The following MAGI2 variants were observed in gnomAD, a reference collection of about 807,000 sequenced individuals.
The protein encoded by MAGI2 is membrane associated guanylate kinase, WW and PDZ domain containing 2, also known as membrane-associated guanylate kinase, WW and PDZ domain-containing protein 2.
MAGI2 carries 35 observed loss-of-function variants against 133.3 expected under a neutral mutation model. That is an observed-to-expected ratio of 0.26 (90% CI 0.20 to 0.35). The LOEUF (loss-of-function observed/expected upper bound fraction) is 0.35, where lower values mean the gene tolerates loss of function less well. Ranked by LOEUF, MAGI2 falls within the 10% of genes least tolerant of loss-of-function variation. MAGI2 has a pLI of 1.00. For synonymous variants in MAGI2, 729 were observed against 710.6 expected, an observed-to-expected ratio of 1.03 and a Z score of -0.41; for missense variants, 1,636 against 1,863.4, an observed-to-expected ratio of 0.88 and a Z score of 2.25.
At position 78,111,444 on chromosome 7, in the gene MAGI2, G is replaced by A. The variant is rs533935026; in HGVS notation, c.3567+14250C>T. Reference sequence around the variant, plus strand: ...ACCAAACCTTTAACTAGCCCTCATGGGAAGATGCTTTTGAAATGGTTCAAA... The same window carrying A: ...ACCAAACCTTTAACTAGCCCTCATGAGAAGATGCTTTTGAAATGGTTCAAA... On this transcript the variant is annotated intron_variant, in intron 20 of 21. Coordinates refer to ENST00000354212, the MANE Select transcript of MAGI2 (RefSeq NM_012301.4). 2.6e-5 allele frequency among the ~76,000 whole-genome samples: 4 copies of A among 152,176 alleles called. No homozygotes were observed. The South Asian group carries it at 6.2e-4, about 24-fold the overall frequency.
At chr7:79,339,111 T>G (rs1433166516) in intron 1 of MAGI2, among the ~76,000 whole-genome samples, 1 of 152,176 alleles carries the variant, frequency 6.6e-6, no homozygotes, top group Non-Finnish European at 1.5e-5. Flanking sequence ...TGCCGTAAGT[T>G]ATTTTAAGAG....
intron 2 of MAGI2, among the ~76,000 whole-genome samples, chr7:78,700,014 G>A (rs2151145909): frequency 6.6e-6 from 1 of 152,158 alleles, no homozygotes. Flanking sequence ...AAATTATGAA[G>A]CAAATCACTT....
intron 2 of MAGI2, among the ~76,000 whole-genome samples, chr7:78,661,595 T>C (rs572436277): frequency 5.3e-4 from 80 of 152,290 alleles, no homozygotes; most frequent in African/African-American, 1.9e-3. Flanking sequence ...TTTCTACCCA[T>C]TCTCTCTCCT....
intron 6 of MAGI2, among the ~76,000 whole-genome samples, chr7:78,406,789 A>G (rs1427982270): frequency 6.6e-6 from 1 of 152,108 alleles, no homozygotes; most frequent in East Asian, 1.9e-4. Flanking sequence ...GTAAGGATAA[A>G]GCTGTGAGCT....
intron 2 of MAGI2, among the ~76,000 whole-genome samples, chr7:78,889,990 C>T (rs9719081): frequency 0.52 from 78,759 of 151,976 alleles, 22,010 homozygotes; most frequent in South Asian, 0.68. Flanking sequence ...ACCCATCTCA[C>T]GTGCAGAGAC....
chr7:78,605,200 G>C (rs1285508448), intron 3 of MAGI2, among the ~76,000 whole-genome samples: 3 of 152,196 alleles, frequency 2.0e-5, no homozygotes, highest in African/African-American at 7.2e-5. Context: ...TTTTAGACTA[G>C]GTTGATGGCA....
intron 2 of MAGI2, among the ~76,000 whole-genome samples, chr7:78,734,820 A>C (rs1418386407): frequency 6.6e-6 from 1 of 152,184 alleles, no homozygotes; most frequent in Non-Finnish European, 1.5e-5. Flanking sequence ...GCCTGTGGTC[A>C]TCCTGAGGTC....
chr7:79,218,659 T>C (rs2129553302), intron 1 of MAGI2, among the ~76,000 whole-genome samples: 1 of 152,212 alleles, frequency 6.6e-6, no homozygotes, highest in South Asian at 2.1e-4. Flanking sequence ...TTATACTGCA[T>C]TGTAAGATGC....
intron 2 of MAGI2, among the ~76,000 whole-genome samples, chr7:78,831,428 TTCTCTC>T (rs993021560): frequency 1.3e-5 from 2 of 151,630 alleles, no homozygotes; most frequent in Non-Finnish European, 2.9e-5. Context: ...TTGAGACAAA[TTCTCTC>T]TCTGTCACCC....
chr7:78,092,156 A>C (rs3807743), intron 20 of MAGI2, among the ~76,000 whole-genome samples: 93,069 of 151,942 alleles, frequency 0.61, 28,661 homozygotes, highest in African/African-American at 0.7. Context: ...AAGTGAAAAA[A>C]CTCATGTCTC....
At chr7:78,114,831 C>G (rs1371080911) in intron 20 of MAGI2, among the ~76,000 whole-genome samples, 2 of 152,128 alleles carry the variant, frequency 1.3e-5, no homozygotes, top group Non-Finnish European at 2.9e-5. Context: ...GGGACTGGAG[C>G]TGGAGAGGAA....
intron 2 of MAGI2, among the ~76,000 whole-genome samples, chr7:78,684,371 G>C (rs1412341553): frequency 6.6e-6 from 1 of 152,050 alleles, no homozygotes; most frequent in Non-Finnish European, 1.5e-5. Flanking sequence ...ACACTCACTT[G>C]GAATGGATAA....
In MAGI2 at chr7:78,742,000, C is replaced by T. The variant is rs1822482201; in HGVS notation, c.419-114761G>A. ...TGATTAATAACTAGAAATTAATCATCTAGTTATCTAGTTATTATCAAAGGA... is the reference window on the plus strand; with the variant it reads ...TGATTAATAACTAGAAATTAATCATTTAGTTATCTAGTTATTATCAAAGGA... On this transcript the variant is annotated intron_variant, in intron 2 of 21. Transcript: ENST00000354212. Among the ~76,000 whole-genome samples, 3 of 151,722 alleles carry T rather than the reference C, an allele frequency of 2.0e-5. No homozygotes were observed. The South Asian group carries it at 6.3e-4, about 32-fold the overall frequency.
At chr7:78,160,443 G>C (rs909881557) in intron 15 of MAGI2, among the ~76,000 whole-genome samples, 170 bp from the exon 16 acceptor site, 2 of 152,192 alleles carry the variant, frequency 1.3e-5, no homozygotes, top group Non-Finnish European at 2.9e-5. Flanking sequence ...CCTAGGCGTG[G>C]AGCTCCCAAG....
intron 1 of MAGI2, among the ~76,000 whole-genome samples, chr7:79,207,089 C>T (rs6945499): frequency 0.18 from 27,533 of 151,780 alleles, 6,337 homozygotes; most frequent in African/African-American, 0.53. Context: ...AAGGGCCATA[C>T]ATGACAAACT....
intron 2 of MAGI2, among the ~76,000 whole-genome samples, chr7:78,996,400 C>T (rs980905703): frequency 6.6e-6 from 1 of 152,078 alleles, no homozygotes; most frequent in Non-Finnish European, 1.5e-5. Flanking sequence ...AGCAAGCTCA[C>T]ACAGGAACAG....
At chr7:78,032,815 G>C (rs896081144) in intron 21 of MAGI2, among the ~76,000 whole-genome samples, 3 of 152,108 alleles carry the variant, frequency 2.0e-5, no homozygotes, top group African/African-American at 7.2e-5. Flanking sequence ...GGATTCTTGG[G>C]CTAAGAACAG....
intron 21 of MAGI2, among the ~76,000 whole-genome samples, chr7:78,036,064 T>TGTGTGTGC (rs1161956980): frequency 1.3e-5 from 2 of 152,104 alleles, no homozygotes; most frequent in African/African-American, 4.8e-5. Context: ...TGCGTGTGTG[T>TGTGTGTGC]GTGTATTTTT....
intron 1 of MAGI2, among the ~76,000 whole-genome samples, chr7:79,134,527 C>T (rs1367965605): frequency 1.3e-5 from 2 of 152,158 alleles, no homozygotes; most frequent in African/African-American, 4.8e-5. Flanking sequence ...ATCATCTCAA[C>T]TGGAAATTCT....
Sources: gnomAD v4.1 joint callset for allele counts (sites outside exome capture counted in the v4.1 genomes callset) on GRCh38, gnomAD v4.1.1 for gene constraint, MANE v1.5 for transcripts, NCBI Gene and HGNC (gene_info 2026-07-23, HGNC 2026-07-21) for gene names.